The following UNC79 variants were observed in gnomAD, a reference collection of about 807,000 sequenced individuals.
The protein encoded by UNC79 is protein unc-79 homolog.
A neutral mutation model predicts 283.1 loss-of-function variants in UNC79; 37 were observed. The observed-to-expected ratio is 0.13, with a 90% CI of 0.10 to 0.17. The LOEUF (loss-of-function observed/expected upper bound fraction) is 0.17. UNC79 is among the 10% of genes least tolerant of loss of function. The pLI is 1.00. For missense variants in UNC79, 2,272 were observed against 3,211.1 expected (o/e 0.71, Z 7.07); for synonymous variants, 1,107 against 1,200.2 (o/e 0.92, Z 1.61).
chr14:93,474,286 G>A lies in UNC79; in HGVS notation c.341G>A (p.Ser114Asn), dbSNP rs761094263. The A allele has an allele frequency of 2.6e-6, 4 of 1,535,932 alleles. No individual in the cohort carries two copies. Among genetic ancestry groups the A allele is most frequent in the Admixed American group, 3.9e-5 (2 of 50,966 alleles). Residue 114 changes from serine (S) to asparagine (N), a missense_variant, in exon 3 of 49, where the codon AGT becomes AAT. Ser to Asn is a conservative substitution (Grantham distance 46). Coordinates refer to ENST00000555664, the Ensembl canonical transcript of UNC79. The surrounding 1 kb of genome is among the most constrained non-coding windows in gnomAD (Gnocchi z 4.1). Reference sequence around the variant, plus strand: ...GCTCCCTCAGAACGCGGCCCGCAAAGTCGTGATGCTCAGTTGTCAGACTAC... The same window carrying A: ...GCTCCCTCAGAACGCGGCCCGCAAAATCGTGATGCTCAGTTGTCAGACTAC...
rs969596217 is a variant in UNC79 at position 93,346,809 on chromosome 14, G to C, written c.-351+13286G>C. On this transcript the variant is annotated intron_variant, in intron 1 of 49. Coordinates refer to the UNC79 transcript ENST00000256339. ...TGCAGAAAAGAGATACTTAGTGTGAGGTGGGGTTGGGGCTCAGGGGAGGGT... is the reference window on the plus strand; with the variant it reads ...TGCAGAAAAGAGATACTTAGTGTGACGTGGGGTTGGGGCTCAGGGGAGGGT... Among the ~76,000 whole-genome samples, 7 of 152,180 alleles carry C rather than the reference G, an allele frequency of 4.6e-5. 1 individual carries two copies. Among genetic ancestry groups the C allele is most frequent in the Admixed American group, 4.6e-4 (7 of 15,292 alleles).
chr14:93,500,984 CA>C (rs1233772953), intron 7 of UNC79, among the ~76,000 whole-genome samples: 1 of 152,180 alleles, frequency 6.6e-6, no homozygotes. Flanking sequence ...TAGGAACCAG[CA>C]ACTTTTGTTT....
chr14:93,461,315 A>C (rs917712095), intron 1 of UNC79, among the ~76,000 whole-genome samples: 4 of 152,236 alleles, frequency 2.6e-5, no homozygotes, highest in African/African-American at 9.6e-5. Flanking sequence ...CTTAAAAAGG[A>C]AAGATTTAAA....
At chr14:93,477,712 T>C (rs539103883) in exon 4 of UNC79, 3 of 1,612,682 alleles carry the variant, frequency 1.9e-6, no homozygotes, top group East Asian at 2.2e-5. Flanking sequence ...GCACATCTTT[T>C]CTACCAATGG....
At chr14:93,623,893 AAAAAT>A (rs1382288480) in intron 30 of UNC79, among the ~76,000 whole-genome samples, 12 of 152,244 alleles carry the variant, frequency 7.9e-5, no homozygotes, top group African/African-American at 2.2e-4. Flanking sequence ...CTCCGTCTAA[AAAAAT>A]AAAATAAAAT....
rs148179197 is a variant in UNC79 at position 93,641,209 on chromosome 14, A to G, written c.5865A>G (p.Glu1955=). The G allele has an allele frequency of 5.0e-6, 8 of 1,613,602 alleles. No homozygotes were observed. The African/African-American group carries it at 1.1e-4, about 22-fold the overall frequency. ...TCAGTATGTTTGTGCCTGCACCTGA[A>G]GAGTTCACTGACGAGCAGCCGACGG... is the stretch of plus-strand genomic sequence containing the variant. Residue 1955 remains glutamate (E), a synonymous_variant, in exon 33 of 49, where the codon GAA becomes GAG. Coordinates refer to ENST00000555664, the Ensembl canonical transcript of UNC79.
intron 26 of UNC79, among the ~76,000 whole-genome samples, chr14:93,603,767 ATAAGAC>A (rs1438601175): frequency 2.0e-5 from 3 of 152,238 alleles, no homozygotes; most frequent in Non-Finnish European, 4.4e-5. Context: ...AGCTTTCTGA[ATAAGAC>A]TTAGACAATA....
intron 1 of UNC79, among the ~76,000 whole-genome samples, chr14:93,376,520 GTA>G (rs2054563001): frequency 6.6e-6 from 1 of 152,136 alleles, no homozygotes; most frequent in Non-Finnish European, 1.5e-5. Flanking sequence ...ATGTGTGTGT[GTA>G]TGTGTTATAT....
intron 2 of UNC79, among the ~76,000 whole-genome samples, chr14:93,469,885 G>GATAAATAA (rs1226221914): frequency 6.6e-6 from 1 of 151,894 alleles, no homozygotes; most frequent in East Asian, 1.9e-4. Context: ...CTATCTCTAA[G>GATAAATAA]ATAAATAAAT....
intron 20 of UNC79, among the ~76,000 whole-genome samples, chr14:93,585,879 CTCTCT>C (rs2064186693): frequency 7.4e-6 from 1 of 135,738 alleles, no homozygotes; most frequent in Admixed American, 7.5e-5. Context: ...ACCTCTCTCT[CTCTCT>C]TTTTTTTTTT....
At chr14:93,431,018 C>T (rs1474001967) in exon 1 of UNC79, 2 of 701,468 alleles carry the variant, frequency 2.9e-6, no homozygotes, top group African/African-American at 3.5e-5. Flanking sequence ...GCCTTTCCAA[C>T]TGGACAGCAC....
chr14:93,460,655 G>A (rs1189434329), intron 1 of UNC79, among the ~76,000 whole-genome samples: 1 of 152,086 alleles, frequency 6.6e-6, no homozygotes, highest in African/African-American at 2.4e-5. Flanking sequence ...CTTACCGAGA[G>A]CTTTAAAAAT....
chr14:93,365,459 A>G (rs2054310392), intron 1 of UNC79, among the ~76,000 whole-genome samples: 2 of 152,148 alleles, frequency 1.3e-5, no homozygotes, highest in African/African-American at 4.8e-5. Flanking sequence ...ATACCATAAA[A>G]AAGAAGTACC....
intron 1 of UNC79, among the ~76,000 whole-genome samples, chr14:93,377,333 A>T (rs1180430311): frequency 1.3e-5 from 2 of 152,038 alleles, no homozygotes; most frequent in Non-Finnish European, 1.5e-5. Flanking sequence ...TAACCTCGTG[A>T]TCCACCCGCC....
chr14:93,496,493 T>A, intron 6 of UNC79, 27 bp downstream of exon 6: 1 of 1,484,046 alleles, frequency 6.7e-7, no homozygotes, highest in Non-Finnish European at 9.0e-7. Flanking sequence ...ATTTAACCCA[T>A]AGTCACAAAC....
rs79159615 is a variant in UNC79 at position 93,620,002 on chromosome 14, A to T, written c.4388-1619A>T. 9.2e-5 allele frequency among the ~76,000 whole-genome samples: 14 copies of T among 152,322 alleles called. No individual in the cohort carries two copies. In the East Asian group the frequency reaches 2.7e-3, roughly 29 times the overall value. On this transcript the variant is annotated intron_variant, in intron 29 of 48. Coordinates refer to ENST00000555664, the Ensembl canonical transcript of UNC79. ...AAACTTTATGGGTTGCAACATATGAACTCTTTCCTCATTAACATATTTTGG... is the reference window on the plus strand; with the variant it reads ...AAACTTTATGGGTTGCAACATATGATCTCTTTCCTCATTAACATATTTTGG...
At chr14:93,588,469 G>A (rs916777457) in intron 22 of UNC79, among the ~76,000 whole-genome samples, 4 of 152,102 alleles carry the variant, frequency 2.6e-5, no homozygotes, top group African/African-American at 4.8e-5. Flanking sequence ...GGCCAGGTGC[G>A]ATGGCTCATA....
chr14:93,517,014 AC>A (rs1189698245), intron 7 of UNC79, among the ~76,000 whole-genome samples: 1 of 151,726 alleles, frequency 6.6e-6, no homozygotes, highest in Non-Finnish European at 1.5e-5. Context: ...GTTTATTGGT[AC>A]TCTACAAATA....
chr14:93,370,108 C>G (rs577026880), intron 1 of UNC79, among the ~76,000 whole-genome samples: 1 of 152,218 alleles, frequency 6.6e-6, no homozygotes, highest in South Asian at 2.1e-4. Context: ...TACTAAAGAC[C>G]TATTTATGGC....
Sources: gnomAD v4.1 joint callset for allele counts (sites outside exome capture counted in the v4.1 genomes callset) on GRCh38, gnomAD v4.1.1 for gene constraint, Gnocchi (gnomAD v3.1) non-coding constraint, MANE v1.5 for transcripts, NCBI Gene and HGNC (gene_info 2026-07-23, HGNC 2026-07-21) for gene names.